The following MRM1 variants were observed in gnomAD, a reference collection of about 807,000 sequenced individuals.
MRM1 encodes the protein rRNA methyltransferase 1, mitochondrial.
MRM1 carries 24 observed loss-of-function variants against 25.0 expected under a neutral mutation model. The ratio of observed to expected loss-of-function variants is 0.96; its 90% CI spans 0.69 to 1.35. The LOEUF is 1.35. MRM1 is among the 40% of genes most tolerant of loss of function. The probability of loss-of-function intolerance (pLI) is 0.00; values close to 1 mark genes in which losing one functional copy is unlikely to be tolerated. For missense variants in MRM1, 431 were observed against 464.1 expected (o/e 0.93, Z 0.65); for synonymous variants, 188 against 199.2 (o/e 0.94, Z 0.47).
At position 36,602,581 on chromosome 17, in the gene MRM1, T is replaced by G. The variant is rs753388039; in HGVS notation, c.571T>G (p.Ser191Ala). 6.2e-7 allele frequency: 1 copy of G among 1,614,120 alleles called. No individual in the cohort carries two copies. Among genetic ancestry groups the G allele is most frequent in the Non-Finnish European group, 8.5e-7 (1 of 1,180,018 alleles). Residue 191 changes from serine to alanine, a missense_variant, in exon 2 of 5, where the codon TCC (serine) becomes GCC (alanine). Ser to Ala is a moderately conservative substitution (Grantham distance 99, BLOSUM62 1). Transcript: ENST00000614766. This position sits in a 1 kb window ranked among gnomAD's most constrained non-coding sequence, Gnocchi z 4.1. The part of the protein sequence containing the change: ...SCPLTPVVSK[S>A]SAGAMEVMDV... The stretch of plus-strand genomic sequence containing the variant: ...CCCGCTCACTCCAGTAGTCAGCAAG[T>G]CCAGCGCGGGGGCTATGGAGGTGAT...
chr17:36,610,226 G>A (rs981438111), downstream of MRM1, among the ~76,000 whole-genome samples: 3 of 145,446 alleles, frequency 2.1e-5, no homozygotes, highest in African/African-American at 7.7e-5. Flanking sequence ...GGCCTAAAAA[G>A]GGCCTAAGAT....
the MRM1 span, among the ~76,000 whole-genome samples, chr17:36,631,812 C>A: frequency 6.6e-6 from 1 of 152,160 alleles, no homozygotes; most frequent in Non-Finnish European, 1.5e-5. Context: ...AGAAATAAAT[C>A]TTTCTCAGAG....
At chr17:36,629,948 G>T in the MRM1 span, among the ~76,000 whole-genome samples, 745 of 152,334 alleles carry the variant, frequency 4.9e-3, 5 homozygotes, top group African/African-American at 0.017. Flanking sequence ...AGGAAAGGAA[G>T]CCTTGGCAGA....
chr17:36,615,586 T>G, the MRM1 span, among the ~76,000 whole-genome samples: 1 of 149,328 alleles, frequency 6.7e-6, no homozygotes, highest in Non-Finnish European at 1.5e-5. Context: ...TGGAACCCAG[T>G]AGGCGGAGGT....
downstream of MRM1, among the ~76,000 whole-genome samples, chr17:36,609,366 C>T (rs1253653677): frequency 6.6e-6 from 1 of 152,234 alleles, no homozygotes; most frequent in East Asian, 1.9e-4. Flanking sequence ...CGCCACCTGG[C>T]ATCCGGCTTT....
At chr17:36,633,044 A>C in the MRM1 span, among the ~76,000 whole-genome samples, 2 of 152,216 alleles carry the variant, frequency 1.3e-5, no homozygotes, top group African/African-American at 4.8e-5. Context: ...AAAGAGTAGG[A>C]GGCTGAATTA....
At chr17:36,628,954 G>A in the MRM1 span, among the ~76,000 whole-genome samples, 1 of 151,428 alleles carries the variant, frequency 6.6e-6, no homozygotes, top group Non-Finnish European at 1.5e-5. Flanking sequence ...GTGAGAGAGA[G>A]AAAGAGAGAG....
chr17:36,602,476 C>T lies in MRM1; in HGVS notation c.543-77C>T. The T allele has an allele frequency of 6.2e-7, 1 of 1,605,134 alleles. No individual in the cohort carries two copies. The stretch of plus-strand genomic sequence containing the variant: ...GTCCCAGAACTCTCATCCCCCTAGC[C>T]CTTGGGAGCCCTGGGAGGGTAGGGA... On this transcript the variant is annotated intron_variant, in intron 1 of 4. Transcript: ENST00000614766. The surrounding 1 kb of genome is among the most constrained non-coding windows in gnomAD (Gnocchi z 4.1).
chr17:36,605,816 C>G (rs1261745140), intron 2 of MRM1, among the ~76,000 whole-genome samples: 1 of 152,046 alleles, frequency 6.6e-6, no homozygotes, highest in Non-Finnish European at 1.5e-5. Flanking sequence ...TCCACTGCTA[C>G]CACTCTGGCC....
chr17:36,620,577 G>T, the MRM1 span, among the ~76,000 whole-genome samples: 1 of 152,218 alleles, frequency 6.6e-6, no homozygotes, highest in Non-Finnish European at 1.5e-5. Context: ...AGTTGTGCGA[G>T]ACCTCAGTTG....
downstream of MRM1, among the ~76,000 whole-genome samples, chr17:36,610,266 T>TGCCCAGG (rs2074968093): frequency 6.7e-6 from 1 of 148,600 alleles, no homozygotes; most frequent in Non-Finnish European, 1.5e-5. Flanking sequence ...GGAGTCTCGC[T>TGCCCAGG]CTGTTGCCCA....
rs775998334 is a variant in MRM1 at position 36,608,294 on chromosome 17, G to C, written c.941G>C (p.Gly314Ala). Residue 314 changes from glycine (G) to alanine (A), a missense_variant, in exon 5 of 5, where the codon GGG (glycine) becomes GCG (alanine). By Grantham distance (60) the Gly-to-Ala change is moderately conservative. Transcript: ENST00000614766. ...CAGAGGAAGGGTTTCCCCACAGAGG[G>C]GGAGAGAAGGCAGCTTCTCCAAGAC... Reference protein sequence around the residue: ...CSQRKGFPTEGERRQLLQDPQ... With the variant: ...CSQRKGFPTEAERRQLLQDPQ... 5 of 1,605,780 alleles carry C rather than the reference G, an allele frequency of 3.1e-6. No individual in the cohort carries two copies. The highest frequency in any genetic ancestry group is 1.7e-5 in the Admixed American group (1 of 58,266).
At chr17:36,630,150 T>C in the MRM1 span, among the ~76,000 whole-genome samples, 5 of 152,172 alleles carry the variant, frequency 3.3e-5, no homozygotes, top group African/African-American at 4.8e-5. Context: ...GCACACCAAA[T>C]GCAGGGCATC....
At chr17:36,620,583 A>T in the MRM1 span, among the ~76,000 whole-genome samples, 1 of 152,248 alleles carries the variant, frequency 6.6e-6, no homozygotes, top group African/African-American at 2.4e-5. Context: ...GCGAGACCTC[A>T]GTTGATCACT....
the MRM1 span, among the ~76,000 whole-genome samples, chr17:36,629,651 A>T: frequency 7.5e-6 from 1 of 132,688 alleles, no homozygotes; most frequent in African/African-American, 2.8e-5. Flanking sequence ...ACTCCTGGTC[A>T]TTCTTGGGTC....
chr17:36,607,551 C>T lies in MRM1; in HGVS notation c.637-119C>T, dbSNP rs112382543. ...GGTGGGAGGATCACCAGAACCCAGG[C>T]GGTTGAGGCTGCGGTGAGCTGTGAT... is the stretch of plus-strand genomic sequence containing the variant. On this transcript the variant is annotated intron_variant, in intron 2 of 4. Transcript: ENST00000614766. 34 of 1,214,906 alleles carry T rather than the reference C, an allele frequency of 2.8e-5. 1 individual carries two copies. The highest frequency in any genetic ancestry group is 2.8e-4 in the Middle Eastern group (1 of 3,612). The allele number at this position is 1,214,906 out of a possible 1,614,324, so 75.3% of individuals were successfully genotyped here. A position where few individuals can be genotyped will look rare whatever the true frequency, so the allele number is the denominator to read the frequency against.
intron 2 of MRM1, among the ~76,000 whole-genome samples, chr17:36,604,811 A>G (rs1315346642): frequency 6.6e-6 from 1 of 150,378 alleles, no homozygotes; most frequent in East Asian, 2.0e-4. Flanking sequence ...AAAAAAAAAA[A>G]AGAGATGAGG....
chr17:36,606,200 G>T (rs966162448), intron 2 of MRM1, among the ~76,000 whole-genome samples: 2 of 152,124 alleles, frequency 1.3e-5, no homozygotes, highest in Admixed American at 1.3e-4. Context: ...CTTCAGGTCT[G>T]CACTCAAATG....
At chr17:36,626,613 A>C in the MRM1 span, among the ~76,000 whole-genome samples, 1 of 152,116 alleles carries the variant, frequency 6.6e-6, no homozygotes, top group South Asian at 2.1e-4. Flanking sequence ...CGCCTGCCTC[A>C]GCCTCCCAAA....
Sources: gnomAD v4.1 joint callset for allele counts (sites outside exome capture counted in the v4.1 genomes callset) on GRCh38, gnomAD v4.1.1 for gene constraint, Gnocchi (gnomAD v3.1) non-coding constraint, MANE v1.5 for transcripts, NCBI Gene and HGNC (gene_info 2026-07-23, HGNC 2026-07-21) for gene names.